UBE2J2: variants seen among roughly 807,000 people sequenced by gnomAD.
UBE2J2 encodes ubiquitin conjugating enzyme E2 J2, also known as ubiquitin-conjugating enzyme E2 J2.
A neutral mutation model predicts 28.6 loss-of-function variants in UBE2J2; 5 were observed. That is an observed-to-expected ratio of 0.17 (90% CI 0.09 to 0.37). The LOEUF (loss-of-function observed/expected upper bound fraction) is 0.37. Ranked by LOEUF, UBE2J2 falls within the 10% of genes least tolerant of loss-of-function variation. UBE2J2 has a pLI of 1.00. For missense variants in UBE2J2, 226 were observed against 338.9 expected (o/e 0.67, Z 2.62); for synonymous variants, 138 against 139.7 (o/e 0.99, Z 0.09).
At chr1:1,266,291 C>G (rs1022154393) in intron 2 of UBE2J2, 1 of 836,182 alleles carries the variant, frequency 1.2e-6, no homozygotes, top group African/African-American at 1.8e-5. Context: ...TATCTTTTCT[C>G]TGGAATTAAA....
At chr1:1,266,810 G>A (rs1220527109) in intron 2 of UBE2J2, among the ~76,000 whole-genome samples, 2 of 152,192 alleles carry the variant, frequency 1.3e-5, no homozygotes, top group Admixed American at 1.3e-4. Context: ...CTGGGTGACA[G>A]TGCAAGACTG....
chr1:1,260,869 T>C (rs956465794), intron 3 of UBE2J2, among the ~76,000 whole-genome samples: 1 of 152,202 alleles, frequency 6.6e-6, no homozygotes, highest in Non-Finnish European at 1.5e-5. Context: ...AAAACTGAGA[T>C]TTTGTTAGGA....
chr1:1,271,931 G>A (rs987418660), intron 1 of UBE2J2, among the ~76,000 whole-genome samples: 1 of 130,670 alleles, frequency 7.7e-6, no homozygotes, highest in Middle Eastern at 5.6e-3. Context: ...CCAAGATCAA[G>A]CCATTGCACT....
intron 3 of UBE2J2, among the ~76,000 whole-genome samples, chr1:1,257,788 C>T (rs1639299482): frequency 2.6e-5 from 4 of 152,110 alleles, no homozygotes; most frequent in African/African-American, 4.8e-5. Flanking sequence ...TTTGCTTCCC[C>T]GACCCAACTG....
intron 3 of UBE2J2, among the ~76,000 whole-genome samples, chr1:1,258,602 G>T (rs528661012): frequency 6.6e-5 from 10 of 152,110 alleles, no homozygotes; most frequent in Non-Finnish European, 1.5e-4. Flanking sequence ...GCACCCACGG[G>T]CCCTGTGCAC....
At chr1:1,273,394 G>C (rs919543832) in intron 1 of UBE2J2, 11 of 152,302 alleles carry the variant, frequency 7.2e-5, no homozygotes, top group Admixed American at 7.2e-4. Context: ...GAGGCTGCCC[G>C]TCCTGGGGCA....
intron 3 of UBE2J2, among the ~76,000 whole-genome samples, chr1:1,258,617 C>T (rs1437652609): frequency 1.3e-5 from 2 of 152,232 alleles, no homozygotes; most frequent in African/African-American, 4.8e-5. Context: ...GTGCACACTC[C>T]AGGCCACTAC....
At chr1:1,259,469 G>A (rs1557553772) in intron 3 of UBE2J2, among the ~76,000 whole-genome samples, 1 of 152,180 alleles carries the variant, frequency 6.6e-6, no homozygotes, top group African/African-American at 2.4e-5. Flanking sequence ...TCCCCAAATC[G>A]CCACGGGCTC....
chr1:1,254,331 G>A lies in UBE2J2; in HGVS notation c.*872C>T, dbSNP rs1228177249. 1 of 152,286 alleles carries A rather than the reference G, an allele frequency of 6.6e-6. No individual in the cohort carries two copies. Among genetic ancestry groups the A allele is most frequent in the Admixed American group, 6.5e-5 (1 of 15,292 alleles). The allele number at this position is 152,286 out of a possible 1,614,324, so 9.4% of individuals were successfully genotyped here. A position where few individuals can be genotyped will look rare whatever the true frequency, so the allele number is the denominator to read the frequency against. Reference sequence around the variant, plus strand: ...CCAGCGCAGGGGGCACGGGATGTGAGGGAGGCCCCCGAGTGCACGGGGCCT... The same window carrying A: ...CCAGCGCAGGGGGCACGGGATGTGAAGGAGGCCCCCGAGTGCACGGGGCCT... On this transcript the variant is annotated 3_prime_UTR_variant, in exon 7 of 7. Coordinates refer to ENST00000349431, the MANE Select transcript of UBE2J2 (RefSeq NM_058167.3).
In UBE2J2 at chr1:1,273,444, G is replaced by A. The variant is rs1025834892; in HGVS notation, c.-1+222C>T. ...AGCTGACGGGAAACCCGGCCGAGTGGTCAAGTCCCCGACATGACCCTGACC... is the reference window on the plus strand; with the variant it reads ...AGCTGACGGGAAACCCGGCCGAGTGATCAAGTCCCCGACATGACCCTGACC... On this transcript the variant is annotated intron_variant, in intron 1 of 6. Coordinates refer to ENST00000349431, the MANE Select transcript of UBE2J2 (RefSeq NM_058167.3). 9.9e-5 allele frequency: 15 copies of A among 152,080 alleles called. 1 individual carries two copies. The highest frequency in any genetic ancestry group is 3.1e-4 in the African/African-American group (13 of 41,540). The allele number at this position is 152,080 out of a possible 1,614,324, so 9.4% of individuals were successfully genotyped here. A position where few individuals can be genotyped will look rare whatever the true frequency, so the allele number is the denominator to read the frequency against.
chr1:1,264,115 C>A (rs1639715327), intron 2 of UBE2J2, among the ~76,000 whole-genome samples: 2 of 152,164 alleles, frequency 1.3e-5, no homozygotes, highest in South Asian at 4.1e-4. Flanking sequence ...GCTCGGTACC[C>A]CCAGCCCTTT....
chr1:1,264,111 T>C (rs545774213), intron 2 of UBE2J2, among the ~76,000 whole-genome samples: 1 of 152,172 alleles, frequency 6.6e-6, no homozygotes, highest in African/African-American at 2.4e-5. Flanking sequence ...GCCGGCTCGG[T>C]ACCCCCAGCC....
intron 3 of UBE2J2, among the ~76,000 whole-genome samples, chr1:1,261,525 G>C (rs1303003772): frequency 1.3e-5 from 2 of 152,216 alleles, no homozygotes; most frequent in African/African-American, 4.8e-5. Flanking sequence ...GTGAAGTTGA[G>C]GGAGACTGGG....
At chr1:1,262,633 C>A (rs536860602) in intron 3 of UBE2J2, among the ~76,000 whole-genome samples, 4 of 152,346 alleles carry the variant, frequency 2.6e-5, no homozygotes, top group African/African-American at 9.6e-5. Flanking sequence ...ACAGCAACTG[C>A]TGACCTGGCC....
chr1:1,266,033 CCA>C, intron 2 of UBE2J2: 1 of 1,298,822 alleles, frequency 7.7e-7, no homozygotes, highest in African/African-American at 1.5e-5. Context: ...AGGGATTTCC[CCA>C]CACAATGAAG....
At chr1:1,256,412 C>G (rs572230951) in intron 5 of UBE2J2, 3 of 342,616 alleles carry the variant, frequency 8.8e-6, no homozygotes, top group African/African-American at 6.5e-5. Context: ...CAACTGGTAC[C>G]GCCTTGGCCC....
chr1:1,258,571 C>T (rs540836545), intron 3 of UBE2J2, among the ~76,000 whole-genome samples: 108 of 152,302 alleles, frequency 7.1e-4, no homozygotes, highest in African/African-American at 2.4e-3. Flanking sequence ...GCAATGGCTG[C>T]TCAGCCACTT....
At chr1:1,266,191 C>T (rs1639852370) in intron 2 of UBE2J2, 4 of 1,287,798 alleles carry the variant, frequency 3.1e-6, no homozygotes, top group Middle Eastern at 2.2e-4. Context: ...CCTGGGTATC[C>T]TCCGCCTGCC....
intron 5 of UBE2J2, among the ~76,000 whole-genome samples, chr1:1,256,545 C>A (rs529273925): frequency 6.6e-6 from 1 of 152,356 alleles, no homozygotes; most frequent in South Asian, 2.1e-4. Flanking sequence ...ACGACAGTGC[C>A]TGGGACAAGG....
Sources: gnomAD v4.1 joint callset for allele counts (sites outside exome capture counted in the v4.1 genomes callset) on GRCh38, gnomAD v4.1.1 for gene constraint, MANE v1.5 for transcripts, NCBI Gene and HGNC (gene_info 2026-07-23, HGNC 2026-07-21) for gene names.